Variants in GABRR2 observed in about 807,000 individuals in gnomAD.
GABRR2 encodes the protein gamma-aminobutyric acid receptor subunit rho-2.
A neutral mutation model predicts 47.0 loss-of-function variants in GABRR2; 36 were observed. That is an observed-to-expected ratio of 0.77 (90% CI 0.59 to 1.01). The LOEUF is 1.01. Among genes scored for constraint, GABRR2 ranks in the 50% least tolerant of loss-of-function variants. The pLI, the probability that GABRR2 is intolerant of heterozygous loss-of-function variation, is 0.00. For synonymous variants in GABRR2, 204 were observed against 227.5 expected (o/e 0.90, Z 0.93); for missense variants, 587 against 594.6 (o/e 0.99, Z 0.13).
At chr6:89,287,648 G>A (rs1774355324) in intron 2 of GABRR2, among the ~76,000 whole-genome samples, 1 of 152,224 alleles carries the variant, frequency 6.6e-6, no homozygotes, top group Admixed American at 6.5e-5. Context: ...TAAGGTGGGT[G>A]CTGATATCAC....
chr6:89,269,948 T>G (rs185783570), intron 3 of GABRR2, among the ~76,000 whole-genome samples: 1 of 152,062 alleles, frequency 6.6e-6, no homozygotes, highest in African/African-American at 2.4e-5. Flanking sequence ...CAGGTGCAAA[T>G]GGAAAAATAA....
chr6:89,311,804 C>G (rs150367896), intron 1 of GABRR2, among the ~76,000 whole-genome samples: 4 of 152,328 alleles, frequency 2.6e-5, no homozygotes, highest in African/African-American at 9.6e-5. Flanking sequence ...CACCACCCCC[C>G]TTTTCAGCTG....
intron 4 of GABRR2, among the ~76,000 whole-genome samples, chr6:89,268,660 G>A (rs199656582): frequency 1.3e-5 from 2 of 151,404 alleles, no homozygotes; most frequent in Non-Finnish European, 2.9e-5. Flanking sequence ...GGGGGACGGG[G>A]GGGGGCTTTT....
intron 1 of GABRR2, among the ~76,000 whole-genome samples, chr6:89,303,567 T>G (rs1767499409): frequency 6.7e-6 from 1 of 149,276 alleles, no homozygotes; most frequent in South Asian, 2.1e-4. Context: ...GAGATATTCT[T>G]CACAGAACTA....
At position 89,271,669 on chromosome 6, in the gene GABRR2, A is replaced by C. The variant is rs774952454; in HGVS notation, c.274T>G (p.Ser92Ala). The C allele has an allele frequency of 6.2e-7, 1 of 1,611,900 alleles. No homozygotes were observed. Among genetic ancestry groups the C allele is most frequent in the Non-Finnish European group, 8.5e-7 (1 of 1,179,148 alleles). Residue 92 changes from serine to alanine, a missense_variant, in exon 3 of 9, where the codon TCC becomes GCC. Transcript: ENST00000402938. ...CCGCTGCATACCATGTCCACCTCGG[A>C]GATGCTGTCCAGGCTCTCCACCTGT... ...DVQVESLDSISEVDMDFTMTL... is the reference protein window; with the variant it reads ...DVQVESLDSIAEVDMDFTMTL...
chr6:89,285,944 G>T (rs889063198), intron 2 of GABRR2, among the ~76,000 whole-genome samples: 2 of 151,658 alleles, frequency 1.3e-5, no homozygotes, highest in Admixed American at 6.6e-5. Context: ...CACAGCTCTC[G>T]CCCGACTCCT....
In GABRR2 at chr6:89,257,174, A is replaced by G. The variant is rs1022227476; in HGVS notation, c.*496T>C. 6.4e-6 allele frequency: 1 copy of G among 155,654 alleles called. No homozygotes were observed. Among genetic ancestry groups the G allele is most frequent in the African/African-American group, 2.4e-5 (1 of 41,422 alleles). 9.6% of individuals were successfully genotyped at this position (155,654 alleles called of 1,614,324 possible). On this transcript the variant is annotated 3_prime_UTR_variant, in exon 9 of 9. Transcript: ENST00000402938. ...TTGCCATACTCCCACAGGCCAAATC[A>G]TTTCCTGTCTGGGATCTCAGCTCTT...
intron 2 of GABRR2, among the ~76,000 whole-genome samples, chr6:89,279,682 TAAA>T (rs199765709): frequency 2.3e-5 from 3 of 129,832 alleles, no homozygotes; most frequent in African/African-American, 5.6e-5. Context: ...CAAAAAAAGT[TAAA>T]AAAAAAAAAA....
intron 1 of GABRR2, chr6:89,301,757 G>A (rs1205749020): frequency 2.9e-5 from 20 of 695,190 alleles, no homozygotes; most frequent in Admixed American, 2.0e-5. Flanking sequence ...CTGCCCGTCC[G>A]CAGCCGCCTG....
chr6:89,291,625 G>A (rs555624650), intron 2 of GABRR2, among the ~76,000 whole-genome samples: 3 of 152,170 alleles, frequency 2.0e-5, no homozygotes, highest in African/African-American at 2.4e-5. Context: ...TTCACTGCAG[G>A]TGTCACTGCC....
intron 8 of GABRR2, 60 bp from the exon 9 acceptor site, chr6:89,258,041 C>T (rs999311449): frequency 2.7e-6 from 4 of 1,501,688 alleles, no homozygotes; most frequent in African/African-American, 1.4e-5. Flanking sequence ...GAGGAGGGGG[C>T]CTGGCCCAAG....
At chr6:89,292,796 GTATATATCGTA>G (rs1326435901) in intron 2 of GABRR2, among the ~76,000 whole-genome samples, 1 of 17,868 alleles carries the variant, frequency 5.6e-5, no homozygotes, top group Non-Finnish European at 8.7e-5. Flanking sequence ...ACGATATATC[GTATATATCGTA>G]TATACGATAT....
At chr6:89,280,787 T>C (rs1305461042) in intron 2 of GABRR2, among the ~76,000 whole-genome samples, 2 of 152,214 alleles carry the variant, frequency 1.3e-5, no homozygotes, top group Non-Finnish European at 2.9e-5. Context: ...CTCCCAGTTA[T>C]TATGGAGATT....
At chr6:89,301,848 A>C (rs983223157) in intron 1 of GABRR2, 11 of 1,132,262 alleles carry the variant, frequency 9.7e-6, no homozygotes, top group Admixed American at 1.7e-5. Context: ...AGTTCTGGGA[A>C]GTCATCAGTG....
chr6:89,295,887 C>T (rs182185305), intron 2 of GABRR2, among the ~76,000 whole-genome samples: 11 of 152,090 alleles, frequency 7.2e-5, no homozygotes, highest in Non-Finnish European at 1.2e-4. Context: ...AATAGGGAAT[C>T]GTTTCCCCAT....
intron 2 of GABRR2, among the ~76,000 whole-genome samples, chr6:89,277,886 G>A (rs1774194679): frequency 6.6e-6 from 1 of 150,786 alleles, no homozygotes; most frequent in East Asian, 2.0e-4. Context: ...GGTGGGGGCT[G>A]CAAATTGGTA....
intron 1 of GABRR2, chr6:89,302,430 G>A (rs1470165100): frequency 5.3e-6 from 3 of 571,180 alleles, no homozygotes; most frequent in Non-Finnish European, 1.0e-5. Flanking sequence ...GGCTGGCCAC[G>A]CCCACCTACG....
Position 89,271,713 on chromosome 6 carries a change from A to G in GABRR2, c.230T>C (p.Ile77Thr), listed in dbSNP as rs945270685. ...CACCTGTACGTCCACGCCCACCGGG[A>G]TGGCAGGGCCTGCAGAAGAGCAGAG... Reference protein sequence around the residue: ...SMRPAFGGPAIPVGVDVQVES... With the variant: ...SMRPAFGGPATPVGVDVQVES... The change falls in exon 3 of 9, where the codon ATC (isoleucine) becomes ACC (threonine). Residue 77 changes from isoleucine to threonine, a missense_variant. Ile to Thr is a moderately conservative substitution (Grantham distance 89). Transcript: ENST00000402938. The G allele has an allele frequency of 3.1e-6, 5 of 1,612,166 alleles. No individual in the cohort carries two copies. In the African/African-American group the frequency reaches 6.7e-5, roughly 22 times the overall value.
rs750304189 is a variant in GABRR2 at position 89,264,391 on chromosome 6, G to C, written c.1086+21C>G. On this transcript the variant is annotated intron_variant, in intron 8 of 8. Coordinates refer to ENST00000402938, the MANE Select transcript of GABRR2 (RefSeq NM_002043.5). ...CACCCAGCAGCATGGACTTAGACAA[G>C]GGCCGAAGAAGCCCTCTCACCTTCT... The C allele has an allele frequency of 5.6e-6, 9 of 1,606,458 alleles. No homozygotes were observed. The African/African-American group carries it at 1.1e-4, about 19-fold the overall frequency.
Sources: gnomAD v4.1 joint callset for allele counts (sites outside exome capture counted in the v4.1 genomes callset) on GRCh38, gnomAD v4.1.1 for gene constraint, MANE v1.5 for transcripts, NCBI Gene and HGNC (gene_info 2026-07-23, HGNC 2026-07-21) for gene names.